AKT3: variants seen among roughly 807,000 people sequenced by gnomAD.
AKT3 encodes the protein RAC-gamma serine/threonine-protein kinase.
In AKT3, 15 loss-of-function variants were observed where a neutral mutation model predicts 65.3. The observed-to-expected ratio is 0.23, with a 90% CI of 0.15 to 0.35. The LOEUF is 0.35. Ranked by LOEUF, AKT3 falls within the 10% of genes least tolerant of loss-of-function variation. The pLI, the probability that AKT3 is intolerant of heterozygous loss-of-function variation, is 1.00. For synonymous variants in AKT3, 206 were observed against 183.8 expected (o/e 1.12, Z -0.98); for missense variants, 243 against 576.5 (o/e 0.42, Z 5.92).
intron 4 of AKT3, among the ~76,000 whole-genome samples, chr1:243,658,859 C>T (rs1682032068): frequency 9.2e-6 from 1 of 108,220 alleles, no homozygotes; most frequent in African/African-American, 3.6e-5. Context: ...GAAACCTTGT[C>T]TCTACAAAAA....
At chr1:243,675,415 G>C (rs1328592907) in intron 3 of AKT3, among the ~76,000 whole-genome samples, 1 of 152,270 alleles carries the variant, frequency 6.6e-6, no homozygotes, top group East Asian at 1.9e-4. Context: ...TAGCCAGGCT[G>C]GTCTCAAACT....
chr1:243,664,006 C>G (rs1682582721), intron 4 of AKT3, among the ~76,000 whole-genome samples: 1 of 151,994 alleles, frequency 6.6e-6, no homozygotes, highest in South Asian at 2.1e-4. Flanking sequence ...ATCCTCTCTC[C>G]CGCTCCTTAG....
Position 243,647,727 on chromosome 1 carries a change from G to A in AKT3, c.285-1690C>T, listed in dbSNP as rs191900865. Reference sequence around the variant, plus strand: ...GAGCAGCTTTACTTGTTTCCAATCCGTATGCTTTTTACATCTTTTTCTTGC... The same window carrying A: ...GAGCAGCTTTACTTGTTTCCAATCCATATGCTTTTTACATCTTTTTCTTGC... On this transcript the variant is annotated intron_variant, in intron 4 of 13. Coordinates refer to ENST00000673466, the MANE Select transcript of AKT3 (RefSeq NM_005465.7). 2.0e-4 allele frequency among the ~76,000 whole-genome samples: 31 copies of A among 152,094 alleles called. No individual in the cohort carries two copies. In the East Asian group the frequency reaches 4.2e-3, roughly 21 times the overall value.
intron 2 of AKT3, among the ~76,000 whole-genome samples, chr1:243,778,172 G>A (rs1346622980): frequency 6.6e-6 from 1 of 152,130 alleles, no homozygotes; most frequent in Non-Finnish European, 1.5e-5. Flanking sequence ...CAACTACCCT[G>A]CAGAAAAAGA....
chr1:243,717,743 T>C (rs1238945647), intron 2 of AKT3, among the ~76,000 whole-genome samples: 2 of 152,178 alleles, frequency 1.3e-5, no homozygotes, highest in South Asian at 2.1e-4. Context: ...AACTGCCCCA[T>C]AGGTTACTTT....
At chr1:243,781,868 G>C (rs1365159271) in intron 2 of AKT3, among the ~76,000 whole-genome samples, 1 of 152,146 alleles carries the variant, frequency 6.6e-6, no homozygotes, top group East Asian at 1.9e-4. Context: ...AGTCACCCAG[G>C]CTGCTGCACA....
rs1682713285 is a variant in AKT3 at position 243,665,605 on chromosome 1, C to T, written c.173-722G>A. On this transcript the variant is annotated intron_variant, in intron 3 of 13. Coordinates refer to ENST00000673466, the MANE Select transcript of AKT3 (RefSeq NM_005465.7). ...GCGTAGATTCAATTATTTTTTCGTA[C>T]CATTAACTACACAAACTTGGACAAA... Among the ~76,000 whole-genome samples the T allele has an allele frequency of 2.0e-5, 3 of 151,986 alleles. No individual in the cohort carries two copies. The South Asian group carries it at 6.2e-4, about 32-fold the overall frequency.
intron 4 of AKT3, among the ~76,000 whole-genome samples, chr1:243,658,078 T>C (rs1681959220): frequency 6.6e-6 from 1 of 152,136 alleles, no homozygotes; most frequent in South Asian, 2.1e-4. Context: ...AATGATTTCT[T>C]GATGCTGACA....
At chr1:243,592,352 AAAAC>A (rs1366177213) in intron 8 of AKT3, among the ~76,000 whole-genome samples, 5 of 152,162 alleles carry the variant, frequency 3.3e-5, no homozygotes, top group East Asian at 1.9e-4. Flanking sequence ...AAAAAGACAA[AAAAC>A]AAACAAACAA....
At chr1:243,583,540 CAAAAAA>C (rs1294857854) in intron 8 of AKT3, among the ~76,000 whole-genome samples, 5 of 30,014 alleles carry the variant, frequency 1.7e-4, no homozygotes, top group Non-Finnish European at 3.7e-4. Flanking sequence ...AAGTAAGTCT[CAAAAAA>C]AAAAAAAAAA....
chr1:243,574,291 C>T (rs1674780925), intron 8 of AKT3, among the ~76,000 whole-genome samples: 1 of 148,112 alleles, frequency 6.8e-6, no homozygotes, highest in Non-Finnish European at 1.5e-5. Flanking sequence ...ATAAGATAAG[C>T]TTTATGCATG....
chr1:243,692,569 C>A (rs1347518002), intron 3 of AKT3, among the ~76,000 whole-genome samples: 1 of 149,892 alleles, frequency 6.7e-6, no homozygotes, highest in African/African-American at 2.5e-5. Flanking sequence ...CCCATCTCTA[C>A]TAAAAAAAAA....
chr1:243,751,059 C>A (rs529470123), intron 2 of AKT3, among the ~76,000 whole-genome samples: 10 of 152,216 alleles, frequency 6.6e-5, no homozygotes, highest in African/African-American at 2.4e-4. Flanking sequence ...TCTGAGCTAA[C>A]TGGCCCAATT....
chr1:243,619,938 C>CAT lies in AKT3; in HGVS notation c.562-4779_562-4778dup, dbSNP rs1461969363. On this transcript the variant is annotated intron_variant, in intron 6 of 13. Coordinates refer to ENST00000673466, the MANE Select transcript of AKT3 (RefSeq NM_005465.7). ...TACTGATTTACATTCCCACCAACAG[C>CAT]ATAGGAGAGTTCCCTTTAGCATCTG... is the stretch of plus-strand genomic sequence containing the variant. 1.1e-4 allele frequency among the ~76,000 whole-genome samples: 11 copies of CAT among 98,274 alleles called. 4 individuals carry two copies. The highest frequency in any genetic ancestry group is 2.6e-4 in the Non-Finnish European group (9 of 35,146). 64.5% of individuals were successfully genotyped at this position (98,274 alleles called of 152,430 possible). A position where few individuals can be genotyped will look rare whatever the true frequency, so the allele number is the denominator to read the frequency against.
intron 12 of AKT3, 81 bp from the exon 13 acceptor site, chr1:243,512,507 GT>G (rs1670081112): frequency 2.4e-6 from 2 of 822,646 alleles, no homozygotes; most frequent in Non-Finnish European, 3.9e-6. Context: ...CAGAGAGCAC[GT>G]AGTTAAATGA....
chr1:243,547,464 C>T (rs1172047545), intron 11 of AKT3, among the ~76,000 whole-genome samples: 1 of 152,118 alleles, frequency 6.6e-6, no homozygotes, highest in Non-Finnish European at 1.5e-5. Context: ...AACTCCAAAA[C>T]ACCACTGGGT....
At chr1:243,493,855 G>A (rs1391411650) in intron 13 of AKT3, among the ~76,000 whole-genome samples, 1 of 151,824 alleles carries the variant, frequency 6.6e-6, no homozygotes. Context: ...GATGATGAAG[G>A]GAGGAAAGGC....
chr1:243,649,446 G>A (rs1473838020), intron 4 of AKT3, among the ~76,000 whole-genome samples: 1 of 151,570 alleles, frequency 6.6e-6, no homozygotes, highest in Non-Finnish European at 1.5e-5. Flanking sequence ...AAGTTCTGGG[G>A]TACATGTGCA....
intron 12 of AKT3, among the ~76,000 whole-genome samples, chr1:243,517,224 G>T (rs1670418931): frequency 6.6e-6 from 1 of 151,906 alleles, no homozygotes; most frequent in African/African-American, 2.4e-5. Context: ...GAGTTGTTTT[G>T]CTCAACATAT....
Sources: gnomAD v4.1 joint callset for allele counts (sites outside exome capture counted in the v4.1 genomes callset) on GRCh38, gnomAD v4.1.1 for gene constraint, MANE v1.5 for transcripts, NCBI Gene and HGNC (gene_info 2026-07-23, HGNC 2026-07-21) for gene names.